SULT4A1: variants seen among roughly 807,000 people sequenced by gnomAD.
SULT4A1 encodes sulfotransferase family 4A member 1.
A neutral mutation model predicts 35.2 loss-of-function variants in SULT4A1; 11 were observed. The observed-to-expected ratio is 0.31, with a 90% CI of 0.20 to 0.52. SULT4A1 has a LOEUF of 0.52. SULT4A1 is among the 20% of genes least tolerant of loss of function. The probability of loss-of-function intolerance (pLI) is 0.97; values close to 1 mark genes in which losing one functional copy is unlikely to be tolerated. For missense variants in SULT4A1, 271 were observed against 383.7 expected (o/e 0.71, Z 2.45); for synonymous variants, 152 against 151.8 (o/e 1.00, Z -0.01).
chr22:43,832,625 A>G (rs1189426074), intron 5 of SULT4A1, among the ~76,000 whole-genome samples: 10 of 149,092 alleles, frequency 6.7e-5, no homozygotes, highest in Non-Finnish European at 1.5e-4. Flanking sequence ...CCCCCACCCC[A>G]GGATCACAGT....
chr22:43,842,296 A>T lies in SULT4A1; in HGVS notation c.170-364T>A, dbSNP rs142448758. Among the ~76,000 whole-genome samples, 682 of 152,262 alleles carry T rather than the reference A, an allele frequency of 4.5e-3. 10 individuals carry two copies. Among genetic ancestry groups the T allele is most frequent in the African/African-American group, 0.016 (644 of 41,540 alleles). The stretch of plus-strand genomic sequence containing the variant: ...TACGCAGGAATGATGGGTCGGGGGA[A>T]TGACCCGCTAGCCAAGATGAGGAAA... On this transcript the variant is annotated intron_variant, in intron 1 of 6. Transcript: ENST00000330884.
intron 1 of SULT4A1, among the ~76,000 whole-genome samples, chr22:43,851,961 T>C (rs1301937807): frequency 6.6e-6 from 1 of 152,190 alleles, no homozygotes; most frequent in Non-Finnish European, 1.5e-5. Flanking sequence ...CTGCCTGTGA[T>C]CTTCTGGGTT....
chr22:43,852,037 T>C (rs1470539877), intron 1 of SULT4A1, among the ~76,000 whole-genome samples: 1 of 152,122 alleles, frequency 6.6e-6, no homozygotes, highest in African/African-American at 2.4e-5. Flanking sequence ...TTATTGTCAC[T>C]TTAGTGAGGT....
intron 5 of SULT4A1, among the ~76,000 whole-genome samples, chr22:43,831,892 A>T (rs955734937): frequency 6.7e-6 from 1 of 148,566 alleles, no homozygotes; most frequent in African/African-American, 2.5e-5. Flanking sequence ...TGCCAAGTAC[A>T]CCTCACTGTG....
intron 1 of SULT4A1, among the ~76,000 whole-genome samples, chr22:43,857,777 T>C (rs1024062834): frequency 9.2e-5 from 14 of 152,242 alleles, no homozygotes; most frequent in Middle Eastern, 3.4e-3. Flanking sequence ...AGGCCTGGCA[T>C]AGCAGCTCAC....
At chr22:43,836,573 A>C (rs7286780) in intron 4 of SULT4A1, among the ~76,000 whole-genome samples, 36 of 73,592 alleles carry the variant, frequency 4.9e-4, no homozygotes, top group East Asian at 7.3e-4. Context: ...AGCGTCCTCC[A>C]ACTGCAGGTG....
At chr22:43,851,974 T>C (rs1178796379) in intron 1 of SULT4A1, among the ~76,000 whole-genome samples, 2 of 152,196 alleles carry the variant, frequency 1.3e-5, no homozygotes, top group African/African-American at 2.4e-5. Flanking sequence ...TCTGGGTTTC[T>C]AATCCACCAC....
At chr22:43,839,138 G>A (rs765467776) in intron 3 of SULT4A1, 145 bp from the exon 4 acceptor site, 18 of 1,089,328 alleles carry the variant, frequency 1.7e-5, no homozygotes, top group Admixed American at 1.2e-4. Context: ...CCATGTGCAC[G>A]GCTGCTGGGT....
In SULT4A1 at chr22:43,829,101, A is replaced by G; in HGVS notation, c.701T>C (p.Val234Ala). The G allele has an allele frequency of 6.4e-7, 1 of 1,552,616 alleles. No homozygotes were observed. The highest frequency in any genetic ancestry group is 8.7e-7 in the Non-Finnish European group (1 of 1,147,746). The change falls in exon 6 of 7, where the codon GTG becomes GCG. Residue 234 changes from valine (V) to alanine (A), a missense_variant. Coordinates refer to ENST00000330884, the MANE Select transcript of SULT4A1 (RefSeq NM_014351.4). ...GGCCTCAGCGTTGCAGCACTGGTCCACCAGCTGGTGGCAGTGCTCCGTCAG... is the reference window on the plus strand; with the variant it reads ...GGCCTCAGCGTTGCAGCACTGGTCCGCCAGCTGGTGGCAGTGCTCCGTCAG... ...EALTEHCHQL[V>A]DQCCNAEALP...
At chr22:43,855,613 G>A (rs2040429) in intron 1 of SULT4A1, among the ~76,000 whole-genome samples, 30,794 of 151,924 alleles carry the variant, frequency 0.2, 3,727 homozygotes, top group East Asian at 0.47. Flanking sequence ...CTCTCCTCTC[G>A]CTCCCTCCAG....
At position 43,841,107 on chromosome 22, in the gene SULT4A1, G is replaced by A. The variant is rs145565873; in HGVS notation, c.300+695C>T. ...GGCCCTCGGCACGGCAGTACGGAAC[G>A]ACTCCCAGATGGTTCCGCACGGACA... is the stretch of plus-strand genomic sequence containing the variant. On this transcript the variant is annotated intron_variant, in intron 2 of 6. Coordinates refer to ENST00000330884, the MANE Select transcript of SULT4A1 (RefSeq NM_014351.4). Among the ~76,000 whole-genome samples, 1,084 of 152,348 alleles carry A rather than the reference G, an allele frequency of 7.1e-3. 20 individuals are homozygous for A. The highest frequency in any genetic ancestry group is 7.8e-3 in the Non-Finnish European group (534 of 68,030).
chr22:43,834,410 C>G (rs1279026924), intron 4 of SULT4A1, among the ~76,000 whole-genome samples: 1 of 75,406 alleles, frequency 1.3e-5, no homozygotes, highest in Non-Finnish European at 2.7e-5. Context: ...CCTGAGCTTC[C>G]CGCAGCCACA....
chr22:43,830,139 T>C (rs1191500915), intron 5 of SULT4A1, among the ~76,000 whole-genome samples: 2 of 152,102 alleles, frequency 1.3e-5, no homozygotes, highest in Non-Finnish European at 2.9e-5. Flanking sequence ...GTGTGGTGCA[T>C]CCCGGGCGCA....
chr22:43,829,244 C>T, intron 5 of SULT4A1, 46 bp from the exon 6 acceptor site: 2 of 1,481,450 alleles, frequency 1.4e-6, no homozygotes, highest in South Asian at 1.3e-5. Context: ...AGAGGCGGGG[C>T]CTTTTACTGG....
intron 1 of SULT4A1, among the ~76,000 whole-genome samples, chr22:43,855,224 T>TTGGGC (rs2049389563): frequency 6.6e-6 from 1 of 151,946 alleles, no homozygotes; most frequent in East Asian, 1.9e-4. Flanking sequence ...ACCTGCAGAG[T>TTGGGC]TGGGCTGGCC....
At chr22:43,849,356 T>TGA (rs2148298889) in intron 1 of SULT4A1, among the ~76,000 whole-genome samples, 1 of 152,306 alleles carries the variant, frequency 6.6e-6, no homozygotes, top group Admixed American at 6.5e-5. Context: ...CCAAAAGGCC[T>TGA]GATACCAAGA....
chr22:43,857,142 T>G (rs960471359), intron 1 of SULT4A1, among the ~76,000 whole-genome samples: 1 of 151,620 alleles, frequency 6.6e-6, no homozygotes, highest in Non-Finnish European at 1.5e-5. Context: ...AACAGAAACA[T>G]TGAATGCTTC....
At chr22:43,841,976 A>ACGCG (rs761276337) in intron 1 of SULT4A1, 44 bp from the exon 2 acceptor site, 1 of 1,589,064 alleles carries the variant, frequency 6.3e-7, no homozygotes, top group Non-Finnish European at 8.6e-7. Context: ...GAGGAGGCCC[A>ACGCG]CGCGCCCGGC....
At chr22:43,853,898 G>C (rs2285163) in intron 1 of SULT4A1, among the ~76,000 whole-genome samples, 35,290 of 152,236 alleles carry the variant, frequency 0.23, 4,770 homozygotes, top group East Asian at 0.46. Flanking sequence ...AAGGGGAAGA[G>C]GCTCCGCCCT....
Sources: gnomAD v4.1 joint callset for allele counts (sites outside exome capture counted in the v4.1 genomes callset) on GRCh38, gnomAD v4.1.1 for gene constraint, MANE v1.5 for transcripts, NCBI Gene and HGNC (gene_info 2026-07-23, HGNC 2026-07-21) for gene names.